Variants in SEMA3E observed in about 807,000 individuals in gnomAD.
SEMA3E encodes the protein semaphorin 3E, also known as semaphorin-3E.
A neutral mutation model predicts 93.6 loss-of-function variants in SEMA3E; 49 were observed. That is an observed-to-expected ratio of 0.52 (90% CI 0.42 to 0.66). The LOEUF is 0.66. Among genes scored for constraint, SEMA3E ranks in the 30% least tolerant of loss-of-function variants. The pLI is 0.00. For synonymous variants in SEMA3E, 363 were observed against 330.7 expected (o/e 1.10, Z -1.06); for missense variants, 906 against 964.8 (o/e 0.94, Z 0.81).
intron 2 of SEMA3E, among the ~76,000 whole-genome samples, chr7:83,482,769 G>A (rs1271902718): frequency 6.6e-6 from 1 of 151,760 alleles, no homozygotes; most frequent in Non-Finnish European, 1.5e-5. Flanking sequence ...ATACAATATG[G>A]GAATAAAAAT....
intron 1 of SEMA3E, among the ~76,000 whole-genome samples, chr7:83,621,677 G>C (rs973864499): frequency 6.6e-6 from 1 of 152,098 alleles, no homozygotes; most frequent in Non-Finnish European, 1.5e-5. Context: ...AGAGAACTCA[G>C]AAATAAGACT....
chr7:83,609,375 C>T (rs1793197518), intron 1 of SEMA3E, among the ~76,000 whole-genome samples: 1 of 151,932 alleles, frequency 6.6e-6, no homozygotes, highest in Admixed American at 6.6e-5. Flanking sequence ...CTTTCTCAAA[C>T]TTTTGCTTAG....
chr7:83,388,228 G>A (rs2116920894), intron 14 of SEMA3E, among the ~76,000 whole-genome samples: 1 of 148,752 alleles, frequency 6.7e-6, no homozygotes, highest in South Asian at 2.1e-4. Context: ...AGAATCGCCT[G>A]AAACCGGGAG....
intron 1 of SEMA3E, among the ~76,000 whole-genome samples, chr7:83,525,016 A>G (rs35485775): frequency 0.53 from 80,094 of 151,758 alleles, 23,475 homozygotes; most frequent in Middle Eastern, 0.69. Context: ...ATCCTGTTTT[A>G]CTGAAGTACA....
chr7:83,558,424 A>G (rs1433486130), intron 1 of SEMA3E, among the ~76,000 whole-genome samples: 1 of 152,132 alleles, frequency 6.6e-6, no homozygotes, highest in African/African-American at 2.4e-5. Flanking sequence ...ATTTGGTTTC[A>G]AAAGACAAAT....
At chr7:83,543,777 A>G (rs1329244868) in intron 1 of SEMA3E, among the ~76,000 whole-genome samples, 2 of 152,076 alleles carry the variant, frequency 1.3e-5, no homozygotes, top group Admixed American at 1.3e-4. Context: ...AAATAATACA[A>G]TGAACAATGT....
chr7:83,585,400 A>G (rs1199002560), intron 1 of SEMA3E, among the ~76,000 whole-genome samples: 1 of 152,170 alleles, frequency 6.6e-6, no homozygotes, highest in Non-Finnish European at 1.5e-5. Context: ...TTTTATCAGT[A>G]TATCCTGAGT....
rs551587924 is a variant in SEMA3E at position 83,389,998 on chromosome 7, C to T, written c.1667+2557G>A. 5.8e-4 allele frequency among the ~76,000 whole-genome samples: 79 copies of T among 135,900 alleles called. 5 individuals carry two copies. The highest frequency in any genetic ancestry group is 2.2e-3 in the African/African-American group (78 of 36,012). 89.2% of individuals were successfully genotyped at this position (135,900 alleles called of 152,430 possible). Reference sequence around the variant, plus strand: ...ACATATATACGCGTATATGTGTATACGTATACACATATATACGCGTATATG... The same window carrying T: ...ACATATATACGCGTATATGTGTATATGTATACACATATATACGCGTATATG... On this transcript the variant is annotated intron_variant, in intron 14 of 16. Transcript: ENST00000643230.
chr7:83,438,134 A>G (rs1789041606), intron 4 of SEMA3E, among the ~76,000 whole-genome samples: 1 of 152,106 alleles, frequency 6.6e-6, no homozygotes, highest in African/African-American at 2.4e-5. Flanking sequence ...GAATGTAATA[A>G]TATCTTTGGT....
chr7:83,565,641 A>G (rs1255177710), intron 1 of SEMA3E, among the ~76,000 whole-genome samples: 2 of 152,240 alleles, frequency 1.3e-5, no homozygotes, highest in African/African-American at 4.8e-5. Context: ...AGTATTCAGA[A>G]CATATATTTA....
At chr7:83,569,175 C>T (rs1461508864) in intron 1 of SEMA3E, among the ~76,000 whole-genome samples, 2 of 151,486 alleles carry the variant, frequency 1.3e-5, no homozygotes, top group African/African-American at 4.8e-5. Context: ...TAAATTTAAC[C>T]TAAGGGGTAA....
intron 5 of SEMA3E, among the ~76,000 whole-genome samples, chr7:83,411,083 G>C (rs1051507515): frequency 6.6e-6 from 1 of 151,850 alleles, no homozygotes; most frequent in African/African-American, 2.4e-5. Flanking sequence ...AGTACACTTC[G>C]ATTTTAATGG....
intron 2 of SEMA3E, among the ~76,000 whole-genome samples, chr7:83,488,932 G>T (rs777505614): frequency 6.6e-6 from 1 of 152,010 alleles, no homozygotes; most frequent in Non-Finnish European, 1.5e-5. Flanking sequence ...TGGAAAAAAT[G>T]GGGTAATGTT....
intron 1 of SEMA3E, among the ~76,000 whole-genome samples, chr7:83,522,016 A>G (rs1420563265): frequency 6.6e-6 from 1 of 152,134 alleles, no homozygotes; most frequent in Non-Finnish European, 1.5e-5. Context: ...TCTATTATAG[A>G]GATTAGCTCT....
At chr7:83,636,112 T>C (rs949649518) in intron 1 of SEMA3E, among the ~76,000 whole-genome samples, 1 of 152,180 alleles carries the variant, frequency 6.6e-6, no homozygotes, top group Non-Finnish European at 1.5e-5. Context: ...TTGAGTCAAA[T>C]GTGACAATAA....
At chr7:83,454,629 A>C (rs1418624036) in intron 4 of SEMA3E, among the ~76,000 whole-genome samples, 1 of 152,172 alleles carries the variant, frequency 6.6e-6, no homozygotes, top group East Asian at 1.9e-4. Context: ...AAAGTTAAGA[A>C]ACAAATATTT....
At chr7:83,393,865 T>G (rs1183591060) in intron 13 of SEMA3E, among the ~76,000 whole-genome samples, 1 of 152,182 alleles carries the variant, frequency 6.6e-6, no homozygotes, top group Non-Finnish European at 1.5e-5. Context: ...ACCATTGTTT[T>G]TGAAAAACAT....
chr7:83,639,128 AAAAAAAAAAAAAC>A lies in SEMA3E; in HGVS notation c.115+9287_115+9299del, dbSNP rs1482122021. On this transcript the variant is annotated intron_variant, in intron 1 of 16. Transcript: ENST00000643230. ...TCCGTCTCAAAAAAAAAAAAAAAAAAAAAAAAAAAAAACAGAGATTCCTGAGCCTCAGAATTAT... is the reference window on the plus strand; with the variant it reads ...TCCGTCTCAAAAAAAAAAAAAAAAAAAGAGATTCCTGAGCCTCAGAATTAT... Among the ~76,000 whole-genome samples, 86 of 141,434 alleles carry A rather than the reference AAAAAAAAAAAAAC, an allele frequency of 6.1e-4. 7 individuals carry two copies. The highest frequency in any genetic ancestry group is 1.2e-3 in the Non-Finnish European group (76 of 64,800). 92.8% of individuals were successfully genotyped at this position (141,434 alleles called of 152,430 possible).
intron 1 of SEMA3E, among the ~76,000 whole-genome samples, chr7:83,505,207 T>A (rs1702386077): frequency 6.6e-6 from 1 of 152,176 alleles, no homozygotes; most frequent in Non-Finnish European, 1.5e-5. Flanking sequence ...TCAGCCTTTT[T>A]TCATAAAACC....
Sources: gnomAD v4.1 joint callset for allele counts (sites outside exome capture counted in the v4.1 genomes callset) on GRCh38, gnomAD v4.1.1 for gene constraint, MANE v1.5 for transcripts, NCBI Gene and HGNC (gene_info 2026-07-23, HGNC 2026-07-21) for gene names.